Variants in WNT8A observed in about 807,000 individuals in gnomAD.
WNT8A encodes the protein Wnt family member 8A.
A neutral mutation model predicts 20.5 loss-of-function variants in WNT8A; 14 were observed. The ratio of observed to expected loss-of-function variants is 0.68; its 90% confidence interval spans 0.45 to 1.07. The LOEUF (loss-of-function observed/expected upper bound fraction) is 1.07. Among genes scored for constraint, WNT8A ranks in the 50% least tolerant of loss-of-function variants. The probability of loss-of-function intolerance (pLI) is 0.00; values close to 1 mark genes in which losing one functional copy is unlikely to be tolerated. For synonymous variants in WNT8A, 167 were observed against 169.2 expected, an observed-to-expected ratio of 0.99 and a Z score of 0.10; for missense variants, 397 against 462.9, an observed-to-expected ratio of 0.86 and a Z score of 1.31.
At chr5:138,083,888 A>G, upstream of WNT8A, 3 of 497,366 alleles carry the variant, frequency 6.0e-6, no homozygotes, top group Admixed American at 6.8e-5. Flanking sequence ...TTTGGCGAAA[A>G]CTGAGTCCCT....
chr5:138,091,579 G>T, downstream of WNT8A: 2 of 1,152,428 alleles, frequency 1.7e-6, no homozygotes, highest in Non-Finnish European at 2.3e-6. Flanking sequence ...AAGTTTTAGA[G>T]TGTTGGATTT....
At chr5:138,079,887 T>C (rs763586641), upstream of WNT8A, among the ~76,000 whole-genome samples, 75 of 152,204 alleles carry the variant, frequency 4.9e-4, no homozygotes, top group Non-Finnish European at 9.6e-4. Context: ...GAAACCTCTG[T>C]CTGCAGTGAA....
In WNT8A at chr5:138,084,231, C is replaced by T. The variant is rs1215487129; in HGVS notation, c.104C>T (p.Thr35Ile). The T allele has an allele frequency of 1.2e-6, 2 of 1,614,208 alleles. No homozygotes were observed. Among genetic ancestry groups the T allele is most frequent in the Admixed American group, 1.7e-5 (1 of 60,024 alleles). The change falls in exon 1 of 5, where the codon ACT (threonine) becomes ATT (isoleucine). Residue 35 changes from threonine (T) to isoleucine (I), a missense_variant. Thr to Ile is a moderately conservative substitution (Grantham distance 89, BLOSUM62 -1). Transcript: ENST00000506684. ...CTCATCCCCATTCACCTCTGCCTCA[C>T]TTTTTCTCTTTTTGGTAGGTCAGTG... ...HCLIPIHLCLTFSLFGRSVNN... is the reference protein window; with the variant it reads ...HCLIPIHLCLIFSLFGRSVNN...
downstream of WNT8A, among the ~76,000 whole-genome samples, chr5:138,091,875 A>ATAAC (rs374275479): frequency 0.043 from 6,363 of 147,560 alleles, 541 homozygotes; most frequent in Non-Finnish European, 0.05. Context: ...AAATAAATAA[A>ATAAC]TAATAAAGAG....
chr5:138,088,786 C>G (rs1750753498), intron 3 of WNT8A, 141 bp from the exon 4 acceptor site: 1 of 1,171,564 alleles, frequency 8.5e-7, no homozygotes, highest in Non-Finnish European at 1.2e-6. Flanking sequence ...CAACAGGACT[C>G]CCACCCACCC....
At chr5:138,080,221 G>A (rs1360077798), upstream of WNT8A, among the ~76,000 whole-genome samples, 1 of 151,622 alleles carries the variant, frequency 6.6e-6, no homozygotes, top group African/African-American at 2.4e-5. Flanking sequence ...TACTTGGGTG[G>A]CTGAGGCATG....
Position 138,091,249 on chromosome 5 carries a change from G to A in WNT8A, c.*176G>A. On this transcript the variant is annotated 3_prime_UTR_variant, in exon 5 of 5. Coordinates refer to ENST00000506684, the MANE Select transcript of WNT8A (RefSeq NM_001300939.2). The stretch of plus-strand genomic sequence containing the variant: ...CCCAAGATTCTACAGCATATTCCTG[G>A]CGGGGCTGAAATTGGAACCTGGGCC... 1 of 1,572,322 alleles carries A rather than the reference G, an allele frequency of 6.4e-7. No individual in the cohort carries two copies. The highest frequency in any genetic ancestry group is 8.6e-7 in the Non-Finnish European group (1 of 1,167,498).
chr5:138,080,247 C>A (rs1159864179), upstream of WNT8A, among the ~76,000 whole-genome samples: 1 of 151,230 alleles, frequency 6.6e-6, no homozygotes, highest in Non-Finnish European at 1.5e-5. Flanking sequence ...GGCTTTGAAC[C>A]CAGGAGGCAG....
At chr5:138,087,386 G>T (rs1211683618) in intron 2 of WNT8A, among the ~76,000 whole-genome samples, 1 of 151,224 alleles carries the variant, frequency 6.6e-6, no homozygotes, top group East Asian at 1.9e-4. Context: ...CAGCCACAGT[G>T]GTTCACGCCT....
In WNT8A at chr5:138,085,724, T is replaced by A. The variant is rs114195117; in HGVS notation, c.295+1088T>A. On this transcript the variant is annotated intron_variant, in intron 2 of 4. Coordinates refer to ENST00000506684, the MANE Select transcript of WNT8A (RefSeq NM_001300939.2). ...AAAAATATTAGCCGGCATGGTAGCA[T>A]GTGCCTGTAGTCCCAGAGACCTGGA... 9.7e-3 allele frequency among the ~76,000 whole-genome samples: 1,473 copies of A among 151,860 alleles called. 21 individuals are homozygous for A. Among genetic ancestry groups the A allele is most frequent in the African/African-American group, 0.034 (1,413 of 41,390 alleles).
chr5:138,079,551 C>G (rs1934312916), upstream of WNT8A, among the ~76,000 whole-genome samples: 3 of 151,996 alleles, frequency 2.0e-5, no homozygotes, highest in Admixed American at 1.3e-4. Flanking sequence ...TCACTATGCT[C>G]TAGTATTTAT....
chr5:138,083,267 CGA>C (rs1750555266), upstream of WNT8A, among the ~76,000 whole-genome samples: 1 of 129,432 alleles, frequency 7.7e-6, no homozygotes. Context: ...GGCGACAGAG[CGA>C]GAGACTCTGT....
upstream of WNT8A, chr5:138,083,813 G>A (rs951648867): frequency 2.6e-6 from 1 of 390,084 alleles, no homozygotes; most frequent in African/African-American, 2.0e-5. Context: ...ACGTATAGGA[G>A]AAAAGCAGCC....
rs759455226 is a variant in WNT8A at position 138,090,670 on chromosome 5, T to C, written c.707T>C (p.Ile236Thr). ...LKAKYDQALK[I>T]EMDKRQLRAG... ...GCCAAGTATGACCAGGCGCTGAAAA[T>C]TGAAATGGATAAGCGGCAGCTGAGA... The change falls in exon 5 of 5, where the codon ATT becomes ACT. Residue 236 changes from isoleucine (I) to threonine (T), a missense_variant. Transcript: ENST00000506684. 6.2e-7 allele frequency: 1 copy of C among 1,614,078 alleles called. No homozygotes were observed. Among genetic ancestry groups the C allele is most frequent in the Non-Finnish European group, 8.5e-7 (1 of 1,180,008 alleles).
upstream of WNT8A, among the ~76,000 whole-genome samples, chr5:138,083,406 A>T (rs1750559549): frequency 6.6e-6 from 1 of 152,200 alleles, no homozygotes; most frequent in Non-Finnish European, 1.5e-5. Flanking sequence ...ATATAAAAGG[A>T]TAGATTTGCT....
In WNT8A at chr5:138,091,494, G is replaced by A. The variant is rs1288612937; in HGVS notation, c.*421G>A. The A allele has an allele frequency of 7.4e-7, 1 of 1,344,064 alleles. No homozygotes were observed. The highest frequency in any genetic ancestry group is 9.8e-7 in the Non-Finnish European group (1 of 1,017,646). 83.3% of individuals were successfully genotyped at this position (1,344,064 alleles called of 1,614,324 possible). A position where few individuals can be genotyped will look rare whatever the true frequency, so the allele number is the denominator to read the frequency against. ...GCAAAAAACGAAAGAGTTCTGTTCA[G>A]ACTTCTGAAGAGCAGCCTGTGGCTA... is the stretch of plus-strand genomic sequence containing the variant. On this transcript the variant is annotated 3_prime_UTR_variant, in exon 5 of 5. Coordinates refer to ENST00000506684, the MANE Select transcript of WNT8A (RefSeq NM_001300939.2).
Position 138,088,008 on chromosome 5 carries a change from A to G in WNT8A, c.421+77A>G, listed in dbSNP as rs1349823147. 3 of 1,581,666 alleles carry G rather than the reference A, an allele frequency of 1.9e-6. No homozygotes were observed. In the East Asian group the frequency reaches 6.8e-5, roughly 36 times the overall value. On this transcript the variant is annotated intron_variant, in intron 3 of 4. Coordinates refer to ENST00000506684, the MANE Select transcript of WNT8A (RefSeq NM_001300939.2). ...GAGTGCAGACTAAAGTCTTCCAGAG[A>G]AAGGCTGAGGGACACAGCTCCCTTA...
chr5:138,084,746 C>T, intron 2 of WNT8A, 110 bp downstream of exon 2: 1 of 1,335,594 alleles, frequency 7.5e-7, no homozygotes, highest in Admixed American at 2.9e-5. Context: ...AAAAATGCTG[C>T]CAGTGACCTG....
In WNT8A at chr5:138,084,100, T is replaced by A; in HGVS notation, c.-28T>A. 6.2e-7 allele frequency: 1 copy of A among 1,613,254 alleles called. No homozygotes were observed. The highest frequency in any genetic ancestry group is 8.5e-7 in the Non-Finnish European group (1 of 1,179,330). Reference sequence around the variant, plus strand: ...GGGGTAGGCAGGGCGATGGGGAACCTGTTTATGCTCTGGGCAGCTCTGGGC... The same window carrying A: ...GGGGTAGGCAGGGCGATGGGGAACCAGTTTATGCTCTGGGCAGCTCTGGGC... On this transcript the variant is annotated 5_prime_UTR_variant, in exon 1 of 5. Transcript: ENST00000506684.
Sources: allele counts gnomAD v4.1 joint callset (sites outside exome capture counted in the v4.1 genomes callset), GRCh38; gene constraint gnomAD v4.1.1; transcripts MANE v1.5; gene names NCBI Gene and HGNC (gene_info 2026-07-23, HGNC 2026-07-21).